PAK5: variants seen among roughly 807,000 people sequenced by gnomAD.
The protein encoded by PAK5 is serine/threonine-protein kinase PAK 5.
In PAK5, 16 loss-of-function variants were observed where a neutral mutation model predicts 65.9. The ratio of observed to expected loss-of-function variants is 0.24; its 90% CI spans 0.16 to 0.37. The LOEUF (loss-of-function observed/expected upper bound fraction) is 0.37, where lower values mean the gene tolerates loss of function less well. Ranked by LOEUF, PAK5 falls within the 10% of genes least tolerant of loss-of-function variation. The pLI, the probability that PAK5 is intolerant of heterozygous loss-of-function variation, is 1.00. For missense variants in PAK5, 785 were observed against 903.9 expected (o/e 0.87, Z 1.69); for synonymous variants, 371 against 354.9 (o/e 1.05, Z -0.51).
chr20:9,725,362 CTT>C (rs1258676391), intron 1 of PAK5, among the ~76,000 whole-genome samples: 4 of 151,806 alleles, frequency 2.6e-5, no homozygotes, highest in African/African-American at 9.7e-5. Context: ...AACTTTTCTG[CTT>C]TGATTGCATA....
chr20:9,590,114 G>A (rs147555065), intron 3 of PAK5, among the ~76,000 whole-genome samples: 1 of 151,942 alleles, frequency 6.6e-6, no homozygotes, highest in African/African-American at 2.4e-5. Context: ...TAGGAATACA[G>A]GCATGTGCCA....
chr20:9,647,557 T>C (rs1163774463), intron 2 of PAK5, among the ~76,000 whole-genome samples: 2 of 152,214 alleles, frequency 1.3e-5, no homozygotes, highest in Non-Finnish European at 2.9e-5. Context: ...GTGGTTGCTA[T>C]GCCACTCAAT....
intron 2 of PAK5, among the ~76,000 whole-genome samples, chr20:9,664,624 C>T (rs1369118293): frequency 6.6e-6 from 1 of 152,110 alleles, no homozygotes; most frequent in African/African-American, 2.4e-5. Flanking sequence ...AAGAGATTTG[C>T]TGCTGCTGTG....
At chr20:9,665,085 G>GCTTTTTTTTTTTTT (rs1555910638) in intron 2 of PAK5, among the ~76,000 whole-genome samples, 1 of 98,920 alleles carries the variant, frequency 1.0e-5, no homozygotes, top group Non-Finnish European at 1.9e-5. Flanking sequence ...AAATTTTTCT[G>GCTTTTTTTTTTTTT]TTTTTTTTTT....
At chr20:9,650,480 T>C (rs1357572844) in intron 2 of PAK5, among the ~76,000 whole-genome samples, 3 of 152,238 alleles carry the variant, frequency 2.0e-5, no homozygotes, top group Non-Finnish European at 4.4e-5. Context: ...CAAAATTCCC[T>C]TGTTTTCTTG....
chr20:9,835,734 A>C (rs190991328), intron 1 of PAK5, among the ~76,000 whole-genome samples: 34 of 152,280 alleles, frequency 2.2e-4, no homozygotes, highest in African/African-American at 7.9e-4. Flanking sequence ...AATAGCATTT[A>C]TAAGACTGCA....
chr20:9,621,960 G>A (rs1357608352), intron 3 of PAK5, among the ~76,000 whole-genome samples: 6 of 152,292 alleles, frequency 3.9e-5, no homozygotes, highest in African/African-American at 1.4e-4. Context: ...ATATTCTTCA[G>A]CACTCTCCTG....
chr20:9,678,748 GC>G (rs1448275680), intron 2 of PAK5, among the ~76,000 whole-genome samples: 6 of 152,098 alleles, frequency 3.9e-5, no homozygotes, highest in Non-Finnish European at 7.4e-5. Flanking sequence ...AGGGGGGAAA[GC>G]CCCTTATAAA....
intron 1 of PAK5, among the ~76,000 whole-genome samples, chr20:9,752,719 C>T (rs551038105): frequency 2.0e-5 from 3 of 152,106 alleles, no homozygotes; most frequent in East Asian, 1.9e-4. Context: ...GGGGAATCAG[C>T]GTGAGGCAGA....
Position 9,813,241 on chromosome 20 carries a change from G to A in PAK5, c.-162+25521C>T, listed in dbSNP as rs184764310. 3.4e-3 allele frequency among the ~76,000 whole-genome samples: 521 copies of A among 152,160 alleles called. 1 individual carries two copies. Among genetic ancestry groups the A allele is most frequent in the African/African-American group, 0.011 (452 of 41,530 alleles). ...CTAGGGTAGGAGATATAGGAGCTAC[G>A]GGAAGAAGTGGTAGAGAGGGACTGC... On this transcript the variant is annotated intron_variant, in intron 1 of 9. Coordinates refer to ENST00000353224, the MANE Select transcript of PAK5 (RefSeq NM_177990.4).
intron 2 of PAK5, among the ~76,000 whole-genome samples, chr20:9,674,809 GCCTCCCAGGCAAAGGGAGCTTGTACC>G (rs913543766): frequency 2.5e-4 from 38 of 152,208 alleles, no homozygotes; most frequent in African/African-American, 8.0e-4. Context: ...AGCATAAGCT[GCCTCCCAGGCAAAGGGAGCTTGTACC>G]CCATGTCAGT....
chr20:9,620,459 C>A (rs779911134), intron 3 of PAK5, among the ~76,000 whole-genome samples: 1 of 152,218 alleles, frequency 6.6e-6, no homozygotes, highest in Non-Finnish European at 1.5e-5. Context: ...CTTCTTTTGA[C>A]CACATGGCGT....
intron 2 of PAK5, among the ~76,000 whole-genome samples, chr20:9,673,547 T>C (rs951326212): frequency 3.9e-5 from 6 of 152,210 alleles, no homozygotes; most frequent in African/African-American, 7.2e-5. Context: ...CCACACTGGA[T>C]AGTACATCTC....
At chr20:9,722,528 C>T (rs1288905313) in intron 1 of PAK5, among the ~76,000 whole-genome samples, 8 of 151,812 alleles carry the variant, frequency 5.3e-5, no homozygotes, top group Non-Finnish European at 1.2e-4. Context: ...AGGAGAATGG[C>T]ATGAACCCGG....
intron 1 of PAK5, among the ~76,000 whole-genome samples, chr20:9,772,963 A>G (rs894715281): frequency 6.6e-6 from 1 of 152,180 alleles, no homozygotes; most frequent in African/African-American, 2.4e-5. Flanking sequence ...CTCTCCTTGA[A>G]GGTTTTCAGG....
chr20:9,688,404 C>T (rs2047748956), intron 2 of PAK5, among the ~76,000 whole-genome samples: 1 of 151,884 alleles, frequency 6.6e-6, no homozygotes, highest in Admixed American at 6.6e-5. Flanking sequence ...TACCCCAAGG[C>T]CTATAAGAAC....
At chr20:9,559,865 G>A (rs1193393908) in intron 6 of PAK5, among the ~76,000 whole-genome samples, 2 of 152,138 alleles carry the variant, frequency 1.3e-5, no homozygotes, top group African/African-American at 4.8e-5. Context: ...TACAACTTCT[G>A]TGTTCTGGGT....
chr20:9,737,723 T>C (rs1378502550), intron 1 of PAK5, among the ~76,000 whole-genome samples: 2 of 152,170 alleles, frequency 1.3e-5, no homozygotes, highest in Non-Finnish European at 2.9e-5. Flanking sequence ...ACTATACACA[T>C]AAAATATTTT....
Position 9,587,709 on chromosome 20 carries a change from G to A in PAK5, c.205-6779C>T, listed in dbSNP as rs375548640. On this transcript the variant is annotated intron_variant, in intron 3 of 9. Transcript: ENST00000353224. ...GCCTGGGATGCTAGAGTTCCAAAAA[G>A]CTCTCAGGTGATGAGGATGATGGTC... Among the ~76,000 whole-genome samples, 6 of 152,210 alleles carry A rather than the reference G, an allele frequency of 3.9e-5. No homozygotes were observed. In the East Asian group the frequency reaches 9.7e-4, roughly 25 times the overall value.
Sources: gnomAD v4.1 joint callset for allele counts (sites outside exome capture counted in the v4.1 genomes callset) on GRCh38, gnomAD v4.1.1 for gene constraint, MANE v1.5 for transcripts, NCBI Gene and HGNC (gene_info 2026-07-23, HGNC 2026-07-21) for gene names.